Variants in NMT2 observed in about 807,000 individuals in gnomAD.
NMT2 encodes the protein glycylpeptide N-tetradecanoyltransferase 2.
NMT2 carries 35 observed loss-of-function variants against 65.4 expected under a neutral mutation model. The observed-to-expected ratio is 0.54, with a 90% confidence interval of 0.41 to 0.71. The LOEUF (loss-of-function observed/expected upper bound fraction) is 0.71. Among genes scored for constraint, NMT2 ranks in the 30% least tolerant of loss-of-function variants. NMT2 has a pLI of 0.00. For missense variants in NMT2, 489 were observed against 611.3 expected, an observed-to-expected ratio of 0.80 and a Z score of 2.11; for synonymous variants, 226 against 231.8, an observed-to-expected ratio of 0.98 and a Z score of 0.23.
chr10:15,158,132 A>G (rs893251408), intron 1 of NMT2, among the ~76,000 whole-genome samples: 13 of 152,272 alleles, frequency 8.5e-5, no homozygotes, highest in Admixed American at 8.5e-4. Context: ...CCTGGCCAAC[A>G]TGGCAAAAAT....
At chr10:15,123,292 A>G (rs1372167943) in intron 8 of NMT2, among the ~76,000 whole-genome samples, 1 of 152,282 alleles carries the variant, frequency 6.6e-6, no homozygotes, top group East Asian at 1.9e-4. Flanking sequence ...CACACCTGTA[A>G]TCTCAGCACT....
chr10:15,136,977 A>G (rs1846534594), intron 2 of NMT2, among the ~76,000 whole-genome samples: 1 of 152,192 alleles, frequency 6.6e-6, no homozygotes, highest in Non-Finnish European at 1.5e-5. Flanking sequence ...GAACTTTGAT[A>G]CCATGCAAAG....
intron 9 of NMT2, among the ~76,000 whole-genome samples, chr10:15,114,658 G>A (rs961324840): frequency 6.6e-6 from 1 of 152,134 alleles, no homozygotes; most frequent in African/African-American, 2.4e-5. Flanking sequence ...GTAAGAAGGG[G>A]AAATTAATGG....
In NMT2 at chr10:15,130,280, C is replaced by T. The variant is rs943004375; in HGVS notation, c.752G>A (p.Cys251Tyr). The change falls in exon 7 of 12, where the codon TGT (cysteine) becomes TAT (tyrosine). Residue 251 changes from cysteine (C) to tyrosine (Y), a missense_variant. Coordinates refer to ENST00000378165, the MANE Select transcript of NMT2 (RefSeq NM_004808.3). ...TTTCGATCTCAACTTCTTATGAACA[C>T]AAAGAAAGTTGATTTCTACCATCTT... The part of the protein sequence containing the change: ...VKKMVEINFL[C>Y]VHKKLRSKRV... 3.8e-6 allele frequency: 6 copies of T among 1,598,756 alleles called. No individual in the cohort carries two copies. Among genetic ancestry groups the T allele is most frequent in the Non-Finnish European group, 5.1e-6 (6 of 1,171,598 alleles).
At chr10:15,158,615 G>A (rs1833083770) in intron 1 of NMT2, among the ~76,000 whole-genome samples, 1 of 152,194 alleles carries the variant, frequency 6.6e-6, no homozygotes, top group African/African-American at 2.4e-5. Context: ...GACTGAAAGT[G>A]CTGTCTCCAT....
Position 15,107,286 on chromosome 10 carries a change from CAATGGG to C in NMT2, c.*1903_*1908del. The C allele has an allele frequency of 2.2e-6, 2 of 928,626 alleles. No individual in the cohort carries two copies. Among genetic ancestry groups the C allele is most frequent in the Non-Finnish European group, 2.6e-6 (2 of 778,306 alleles). 57.5% of individuals were successfully genotyped at this position (928,626 alleles called of 1,614,324 possible). A position where few individuals can be genotyped will look rare whatever the true frequency, so the allele number is the denominator to read the frequency against. ...AGCCTGTGGGCTACACAAAAATAAGCAATGGGCTGGATTTAGCCCACAGGCCATAGT... is the reference window on the plus strand; with the variant it reads ...AGCCTGTGGGCTACACAAAAATAAGCCTGGATTTAGCCCACAGGCCATAGT... On this transcript the variant is annotated 3_prime_UTR_variant, in exon 12 of 12. Transcript: ENST00000378165.
chr10:15,110,383 G>C (rs1845469542), intron 10 of NMT2, among the ~76,000 whole-genome samples: 1 of 152,208 alleles, frequency 6.6e-6, no homozygotes, highest in Non-Finnish European at 1.5e-5. Context: ...GGGAGGCCAA[G>C]GTGGGAGGCT....
At chr10:15,160,089 C>T (rs1175494229) in intron 1 of NMT2, among the ~76,000 whole-genome samples, 3 of 152,170 alleles carry the variant, frequency 2.0e-5, no homozygotes, top group African/African-American at 7.2e-5. Context: ...GCAGAGGAAG[C>T]CATGACCCAC....
chr10:15,159,886 C>T (rs1833129317), intron 1 of NMT2, among the ~76,000 whole-genome samples: 1 of 152,100 alleles, frequency 6.6e-6, no homozygotes, highest in African/African-American at 2.4e-5. Context: ...GAGCAGAGGG[C>T]TGGGGAGATG....
intron 1 of NMT2, among the ~76,000 whole-genome samples, chr10:15,167,422 ATCTC>A (rs1270749687): frequency 1.3e-5 from 2 of 152,186 alleles, no homozygotes; most frequent in African/African-American, 4.8e-5. Context: ...CATTTCAAGA[ATCTC>A]TCTACGAACT....
intron 1 of NMT2, among the ~76,000 whole-genome samples, chr10:15,165,642 C>G (rs1328262404): frequency 2.6e-5 from 4 of 152,076 alleles, no homozygotes; most frequent in African/African-American, 9.7e-5. Context: ...CTTTGGGAGG[C>G]CGAGGCAAGC....
chr10:15,133,252 G>C lies in NMT2; in HGVS notation c.503C>G (p.Ala168Gly), dbSNP rs778375364. The C allele has an allele frequency of 9.3e-6, 15 of 1,613,032 alleles. No individual in the cohort carries two copies. Among genetic ancestry groups the C allele is most frequent in the Admixed American group, 3.3e-5 (2 of 59,982 alleles). Residue 168 changes from alanine to glycine, a missense_variant, in exon 4 of 12, where the codon GCC becomes GGC. Coordinates refer to ENST00000378165, the MANE Select transcript of NMT2 (RefSeq NM_004808.3). ...FMWDTLDLSD[A>G]EVLKELYTLL... is the part of the protein sequence containing the mutation. ...AGGTTTTTACTCACTCACCACTTCG[G>C]CATCACTCAAGTCTAAAGTGTCCCA...
chr10:15,164,615 G>A (rs1332639560), intron 1 of NMT2, among the ~76,000 whole-genome samples: 1 of 152,198 alleles, frequency 6.6e-6, no homozygotes. Context: ...CAACAATTTG[G>A]CCTGTCCTCA....
intron 1 of NMT2, among the ~76,000 whole-genome samples, chr10:15,155,894 T>G (rs1448965175): frequency 1.4e-5 from 2 of 145,084 alleles, no homozygotes; most frequent in African/African-American, 5.0e-5. Flanking sequence ...ATCACAGAGA[T>G]GGCTACTAAG....
intron 1 of NMT2, among the ~76,000 whole-genome samples, chr10:15,161,362 A>C (rs1833192514): frequency 6.6e-6 from 1 of 151,844 alleles, no homozygotes; most frequent in Admixed American, 6.6e-5. Context: ...TTTTACTTTT[A>C]TTTTTTTGAG....
chr10:15,146,259 T>C (rs1846960937), intron 1 of NMT2, among the ~76,000 whole-genome samples: 1 of 152,148 alleles, frequency 6.6e-6, no homozygotes. Flanking sequence ...TTCTCAGCCA[T>C]GGAAATGGCA....
intron 8 of NMT2, among the ~76,000 whole-genome samples, chr10:15,124,513 A>G (rs926894577): frequency 6.6e-6 from 1 of 152,236 alleles, no homozygotes; most frequent in African/African-American, 2.4e-5. Flanking sequence ...GTTAGCTCCT[A>G]TATTCAAAAG....
intron 3 of NMT2, among the ~76,000 whole-genome samples, chr10:15,134,353 C>T (rs1194371107): frequency 1.3e-5 from 2 of 152,174 alleles, no homozygotes; most frequent in Non-Finnish European, 2.9e-5. Flanking sequence ...CCATGATGAC[C>T]GGGGCAGGCC....
chr10:15,116,131 G>A (rs1280522345), intron 9 of NMT2, among the ~76,000 whole-genome samples: 3 of 152,140 alleles, frequency 2.0e-5, no homozygotes, highest in East Asian at 1.9e-4. Flanking sequence ...TGGTATACAC[G>A]TTTCATGCAC....
Sources: gnomAD v4.1 joint callset for allele counts (sites outside exome capture counted in the v4.1 genomes callset) on GRCh38, gnomAD v4.1.1 for gene constraint, MANE v1.5 for transcripts, NCBI Gene and HGNC (gene_info 2026-07-23, HGNC 2026-07-21) for gene names.